Variants in PARD3B observed in about 807,000 individuals in gnomAD.
PARD3B encodes the protein partitioning defective 3 homolog B.
In PARD3B, 103 loss-of-function variants were observed where a neutral mutation model predicts 130.2. The observed-to-expected ratio is 0.79, with a 90% CI of 0.67 to 0.93. The LOEUF (loss-of-function observed/expected upper bound fraction) is 0.93. Ranked by LOEUF, PARD3B falls within the 40% of genes least tolerant of loss-of-function variation. The probability of loss-of-function intolerance (pLI) is 0.00; values close to 1 mark genes in which losing one functional copy is unlikely to be tolerated. For missense variants in PARD3B, 1,609 were observed against 1,499.2 expected, an observed-to-expected ratio of 1.07 and a Z score of -1.21; for synonymous variants, 583 against 553.2, an observed-to-expected ratio of 1.05 and a Z score of -0.76.
chr2:205,076,877 A>G (rs546188732), intron 4 of PARD3B, among the ~76,000 whole-genome samples: 1 of 152,272 alleles, frequency 6.6e-6, no homozygotes, highest in Admixed American at 6.5e-5. Context: ...GAAATGCTAC[A>G]TACTATATTC....
At chr2:204,547,142 G>C (rs1265027781) in intron 1 of PARD3B, among the ~76,000 whole-genome samples, 1 of 152,128 alleles carries the variant, frequency 6.6e-6, no homozygotes, top group East Asian at 1.9e-4. Context: ...ATGGAAAAAC[G>C]TAAGTTTTAA....
At chr2:205,271,909 G>C (rs2040741759) in intron 16 of PARD3B, among the ~76,000 whole-genome samples, 2 of 152,118 alleles carry the variant, frequency 1.3e-5, no homozygotes, top group Non-Finnish European at 2.9e-5. Context: ...TATAATCCCG[G>C]TACTTTGGGA....
intron 14 of PARD3B, among the ~76,000 whole-genome samples, chr2:205,192,656 T>G (rs1199023461): frequency 1.3e-5 from 2 of 152,244 alleles, no homozygotes; most frequent in South Asian, 4.1e-4. Context: ...TATTTCCTTT[T>G]GGCACTTTTG....
chr2:204,669,674 A>T lies in PARD3B; in HGVS notation c.121-16507A>T, dbSNP rs1030721953. Among the ~76,000 whole-genome samples, 2 of 152,158 alleles carry T rather than the reference A, an allele frequency of 1.3e-5. No individual in the cohort carries two copies. The highest frequency in any genetic ancestry group is 2.9e-5 in the Non-Finnish European group (2 of 68,030). On this transcript the variant is annotated intron_variant, in intron 1 of 22. Coordinates refer to ENST00000406610, the MANE Select transcript of PARD3B (RefSeq NM_001302769.2). This position sits in a 1 kb window ranked among gnomAD's most constrained non-coding sequence, Gnocchi z 4.3. The stretch of plus-strand genomic sequence containing the variant: ...TATTGGTTTTCAACTTTTGGAATCA[A>T]ATTATAGAGAAAGTATGGTTATCAT...
intron 21 of PARD3B, among the ~76,000 whole-genome samples, chr2:205,536,686 G>A (rs1167891586): frequency 6.6e-6 from 1 of 152,142 alleles, no homozygotes; most frequent in Non-Finnish European, 1.5e-5. Flanking sequence ...ACAAATTCAG[G>A]AATGTAACTC....
At chr2:205,331,125 C>G (rs10173800) in intron 18 of PARD3B, among the ~76,000 whole-genome samples, 1 of 152,038 alleles carries the variant, frequency 6.6e-6, no homozygotes, top group African/African-American at 2.4e-5. Context: ...ATACATGTGA[C>G]GACATATGCA....
At chr2:204,872,330 A>G (rs1330199858) in intron 2 of PARD3B, among the ~76,000 whole-genome samples, 1 of 152,112 alleles carries the variant, frequency 6.6e-6, no homozygotes, top group African/African-American at 2.4e-5. Context: ...ATAAAAATGT[A>G]GAAAATATTT....
rs141909773 is a variant in PARD3B at position 204,778,100 on chromosome 2, G to A, written c.222+91818G>A. On this transcript the variant is annotated intron_variant, in intron 2 of 22. Transcript: ENST00000406610. The stretch of plus-strand genomic sequence containing the variant: ...TTGTTTATAAATTATCCAATCTTGG[G>A]TAGTATCTTTATAGCAATGTGAGAA... Among the ~76,000 whole-genome samples, 771 of 148,774 alleles carry A rather than the reference G, an allele frequency of 5.2e-3. 9 individuals carry two copies. Among genetic ancestry groups the A allele is most frequent in the African/African-American group, 0.018 (705 of 39,956 alleles).
chr2:205,175,898 G>GT (rs145587925), intron 12 of PARD3B, among the ~76,000 whole-genome samples: 71,761 of 151,616 alleles, frequency 0.47, 17,671 homozygotes, highest in Non-Finnish European at 0.55. Context: ...GGGAAATATA[G>GT]GGGGGGAACC....
intron 20 of PARD3B, among the ~76,000 whole-genome samples, chr2:205,476,350 T>A (rs1223152972): frequency 1.3e-5 from 2 of 152,196 alleles, no homozygotes; most frequent in African/African-American, 2.4e-5. Context: ...TTTCCTTTTT[T>A]TCATTTTTTT....
intron 2 of PARD3B, among the ~76,000 whole-genome samples, chr2:204,923,839 T>G (rs1030316903): frequency 3.3e-5 from 5 of 152,076 alleles, no homozygotes; most frequent in Non-Finnish European, 7.4e-5. Flanking sequence ...CAGAGGTGAT[T>G]GTGATTCACA....
rs538380511 is a variant in PARD3B at position 205,343,628 on chromosome 2, G to A, written c.2630+41927G>A. Among the ~76,000 whole-genome samples the A allele has an allele frequency of 2.8e-4, 42 of 152,250 alleles. 1 individual carries two copies. The highest frequency in any genetic ancestry group is 9.4e-4 in the African/African-American group (39 of 41,562). ...TTTCTCTGACCATCTGTAAAATTAA[G>A]TAGTAACTACAAAGCATCTGACACA... On this transcript the variant is annotated intron_variant, in intron 18 of 22. Coordinates refer to ENST00000406610, the MANE Select transcript of PARD3B (RefSeq NM_001302769.2).
At chr2:204,970,535 C>T (rs139100035) in intron 3 of PARD3B, among the ~76,000 whole-genome samples, 367 of 152,250 alleles carry the variant, frequency 2.4e-3, no homozygotes, top group Middle Eastern at 6.8e-3. Flanking sequence ...TTTATTAATA[C>T]CAAGCTGAGT....
intron 22 of PARD3B, among the ~76,000 whole-genome samples, chr2:205,611,383 T>C (rs1330810450): frequency 3.9e-5 from 6 of 152,250 alleles, no homozygotes; most frequent in Non-Finnish European, 8.8e-5. Flanking sequence ...CAGAGCTGGC[T>C]ATCTGACCAG....
intron 18 of PARD3B, among the ~76,000 whole-genome samples, chr2:205,374,114 G>T (rs1184687053): frequency 6.6e-6 from 1 of 151,170 alleles, no homozygotes; most frequent in African/African-American, 2.4e-5. Context: ...AGAGAAAGAG[G>T]GAAATGTCTA....
chr2:204,648,688 A>C (rs2035368043), intron 1 of PARD3B, among the ~76,000 whole-genome samples: 1 of 98,638 alleles, frequency 1.0e-5, no homozygotes, highest in Non-Finnish European at 1.9e-5. Flanking sequence ...AATAATATAT[A>C]TTTATAATAT....
At chr2:205,373,973 C>CT (rs923671278) in intron 18 of PARD3B, among the ~76,000 whole-genome samples, 2 of 152,140 alleles carry the variant, frequency 1.3e-5, no homozygotes, top group African/African-American at 4.8e-5. Context: ...CTTCTATAAA[C>CT]TTTCCATATT....
intron 2 of PARD3B, among the ~76,000 whole-genome samples, chr2:204,870,042 T>A (rs909371924): frequency 2.0e-5 from 3 of 152,166 alleles, no homozygotes; most frequent in African/African-American, 7.2e-5. Flanking sequence ...CTTTCTACCC[T>A]CTTCCAGACC....
intron 4 of PARD3B, among the ~76,000 whole-genome samples, chr2:205,101,693 G>T (rs1413339635): frequency 6.6e-6 from 1 of 152,140 alleles, no homozygotes; most frequent in East Asian, 1.9e-4. Flanking sequence ...GAATATTGTT[G>T]GGCCATAAAA....
Sources: gnomAD v4.1 joint callset for allele counts (sites outside exome capture counted in the v4.1 genomes callset) on GRCh38, gnomAD v4.1.1 for gene constraint, Gnocchi (gnomAD v3.1) non-coding constraint, MANE v1.5 for transcripts, NCBI Gene and HGNC (gene_info 2026-07-23, HGNC 2026-07-21) for gene names.